The following TNIK variants were observed in gnomAD, a reference collection of about 807,000 sequenced individuals.
TNIK encodes TRAF2 and NCK interacting kinase.
Under a neutral mutation model 191.3 loss-of-function variants are expected in TNIK, and 49 were observed. The observed-to-expected ratio is 0.26, with a 90% CI of 0.20 to 0.32. The LOEUF (loss-of-function observed/expected upper bound fraction) is 0.32, where lower values mean the gene tolerates loss of function less well. Ranked by LOEUF, TNIK falls within the 10% of genes least tolerant of loss-of-function variation. The pLI is 1.00. For missense variants in TNIK, 1,155 were observed against 1,702.3 expected (o/e 0.68, Z 5.66); for synonymous variants, 594 against 600.9 (o/e 0.99, Z 0.17).
rs1169354270 is a variant in TNIK at position 171,126,151 on chromosome 3, T to C, written c.1774A>G (p.Ile592Val). 6.6e-7 allele frequency: 1 copy of C among 1,526,478 alleles called. No individual in the cohort carries two copies. Among genetic ancestry groups the C allele is most frequent in the Non-Finnish European group, 8.8e-7 (1 of 1,141,328 alleles). The allele number at this position is 1,526,478 out of a possible 1,614,324, so 94.6% of individuals were successfully genotyped here. A position where few individuals can be genotyped will look rare whatever the true frequency, so the allele number is the denominator to read the frequency against. ...PPMLRPVDPQ[I>V]PHLVAVKSQG... ...GATTTTACAGCTACCAGATGTGGGA[T>C]CTAAGCATCAAAACAACATGAAAAC... Residue 592 changes from isoleucine (I) to valine (V), a missense_variant and splice_region_variant, in exon 17 of 33, where the codon ATC becomes GTC. Coordinates refer to ENST00000436636, the MANE Select transcript of TNIK (RefSeq NM_015028.4).
intron 4 of TNIK, among the ~76,000 whole-genome samples, chr3:171,198,887 A>G (rs946105088): frequency 6.6e-6 from 1 of 152,216 alleles, no homozygotes; most frequent in African/African-American, 2.4e-5. Flanking sequence ...CCATTTTGAA[A>G]AGTACATTGA....
chr3:171,069,703 G>T (rs1327010208), intron 29 of TNIK, among the ~76,000 whole-genome samples: 1 of 152,210 alleles, frequency 6.6e-6, no homozygotes, highest in Non-Finnish European at 1.5e-5. Context: ...CCAACTAACT[G>T]TCAAGTGTTC....
chr3:171,424,750 G>A lies in TNIK; in HGVS notation c.57+35257C>T, dbSNP rs566012302. 4.4e-4 allele frequency among the ~76,000 whole-genome samples: 65 copies of A among 146,878 alleles called. No individual in the cohort carries two copies. In the East Asian group the frequency reaches 6.0e-3, roughly 14 times the overall value. Reference sequence around the variant, plus strand: ...TCGCAAGGACAAAAAACCAAACACCGCATGTTATCACTCATAGGTGGGAAT... The same window carrying A: ...TCGCAAGGACAAAAAACCAAACACCACATGTTATCACTCATAGGTGGGAAT... On this transcript the variant is annotated intron_variant, in intron 1 of 32. Transcript: ENST00000436636.
intron 12 of TNIK, among the ~76,000 whole-genome samples, chr3:171,151,501 G>A (rs752518960): frequency 5.3e-5 from 8 of 152,198 alleles, no homozygotes; most frequent in Non-Finnish European, 7.3e-5. Flanking sequence ...CTATGTGTTA[G>A]TGATGTCGGC....
At chr3:171,166,946 CCA>C (rs1734693829) in intron 10 of TNIK, 147 bp downstream of exon 10, 1 of 968,156 alleles carries the variant, frequency 1.0e-6, no homozygotes, top group African/African-American at 1.7e-5. Flanking sequence ...CCACTGATGC[CCA>C]GAGGCTGTGG....
At chr3:171,109,056 C>A (rs1725424794) in intron 19 of TNIK, among the ~76,000 whole-genome samples, 1 of 152,164 alleles carries the variant, frequency 6.6e-6, no homozygotes, top group South Asian at 2.1e-4. Flanking sequence ...TAAGCCTGAA[C>A]CAGACCAGAG....
intron 2 of TNIK, among the ~76,000 whole-genome samples, chr3:171,358,677 G>C (rs1313113331): frequency 6.6e-6 from 1 of 152,200 alleles, no homozygotes; most frequent in Non-Finnish European, 1.5e-5. Context: ...AAACAGGGTA[G>C]AAAAATCAAG....
intron 9 of TNIK, among the ~76,000 whole-genome samples, chr3:171,172,310 A>G (rs1735394456): frequency 6.6e-6 from 1 of 152,350 alleles, no homozygotes; most frequent in South Asian, 2.1e-4. Flanking sequence ...AGAACAAGGC[A>G]TTTAACCCGG....
At chr3:171,346,567 T>C (rs1712226110) in intron 2 of TNIK, among the ~76,000 whole-genome samples, 1 of 152,160 alleles carries the variant, frequency 6.6e-6, no homozygotes, top group African/African-American at 2.4e-5. Flanking sequence ...CTGATAAATA[T>C]ATTATTCAAC....
chr3:171,128,605 C>T, intron 16 of TNIK, 109 bp downstream of exon 16: 1 of 1,333,746 alleles, frequency 7.5e-7, no homozygotes, highest in Non-Finnish European at 9.9e-7. Flanking sequence ...TATTAAGGGT[C>T]ATAATTTGAT....
chr3:171,269,326 C>T (rs567506475), intron 2 of TNIK, among the ~76,000 whole-genome samples: 62 of 152,222 alleles, frequency 4.1e-4, no homozygotes, highest in African/African-American at 1.3e-3. Context: ...AACATTTCCC[C>T]GAGTATTCTT....
chr3:171,338,645 T>C (rs962482785), intron 2 of TNIK, among the ~76,000 whole-genome samples: 2 of 150,260 alleles, frequency 1.3e-5, no homozygotes, highest in Admixed American at 1.3e-4. Flanking sequence ...TGTACCACCA[T>C]GCTCAGCTAA....
intron 15 of TNIK, among the ~76,000 whole-genome samples, chr3:171,132,507 C>T (rs1181867461): frequency 6.6e-6 from 1 of 151,998 alleles, no homozygotes; most frequent in Non-Finnish European, 1.5e-5. Flanking sequence ...TATATAAAGG[C>T]TATACAAATA....
chr3:171,246,853 T>C (rs2109063016), intron 2 of TNIK, among the ~76,000 whole-genome samples: 1 of 152,234 alleles, frequency 6.6e-6, no homozygotes, highest in African/African-American at 2.4e-5. Flanking sequence ...GGCCAAAAGT[T>C]CCACAGAGCA....
chr3:171,451,564 T>C (rs1170013153), intron 1 of TNIK, among the ~76,000 whole-genome samples: 2 of 152,194 alleles, frequency 1.3e-5, no homozygotes, highest in African/African-American at 4.8e-5. Flanking sequence ...TAAGTAATAA[T>C]ACAGGCAGCA....
At chr3:171,414,421 G>C (rs952257701) in intron 1 of TNIK, among the ~76,000 whole-genome samples, 2 of 152,196 alleles carry the variant, frequency 1.3e-5, no homozygotes, top group African/African-American at 4.8e-5. Flanking sequence ...ATAATAGACT[G>C]CATCTGTTTA....
intron 2 of TNIK, among the ~76,000 whole-genome samples, chr3:171,269,198 G>C (rs993831592): frequency 1.3e-5 from 2 of 152,134 alleles, no homozygotes; most frequent in African/African-American, 2.4e-5. Flanking sequence ...GAGTAATACT[G>C]TCTGTAATTT....
chr3:171,235,115 C>T (rs1285508759), intron 2 of TNIK, among the ~76,000 whole-genome samples: 4 of 152,154 alleles, frequency 2.6e-5, no homozygotes, highest in African/African-American at 9.7e-5. Flanking sequence ...TGTCTCGGCC[C>T]ACTGCAATCT....
intron 4 of TNIK, among the ~76,000 whole-genome samples, chr3:171,201,213 A>G (rs1358711016): frequency 1.3e-5 from 2 of 152,150 alleles, no homozygotes; most frequent in Non-Finnish European, 2.9e-5. Context: ...CAGCCTGACC[A>G]ACATGGAGAA....
Sources: gnomAD v4.1 joint callset for allele counts (sites outside exome capture counted in the v4.1 genomes callset) on GRCh38, gnomAD v4.1.1 for gene constraint, MANE v1.5 for transcripts, NCBI Gene and HGNC (gene_info 2026-07-23, HGNC 2026-07-21) for gene names.